The following GALNTL6 variants were observed in gnomAD, a reference collection of about 807,000 sequenced individuals.
GALNTL6 encodes polypeptide N-acetylgalactosaminyltransferase like 6, also known as polypeptide N-acetylgalactosaminyltransferase-like 6.
A neutral mutation model predicts 73.7 loss-of-function variants in GALNTL6; 46 were observed. The ratio of observed to expected loss-of-function variants is 0.62; its 90% CI spans 0.49 to 0.80. GALNTL6 has a LOEUF of 0.80. GALNTL6 is among the 30% of genes least tolerant of loss of function. GALNTL6 has a pLI of 0.00. For missense variants in GALNTL6, 604 were observed against 755.0 expected, an observed-to-expected ratio of 0.80 and a Z score of 2.34; for synonymous variants, 259 against 263.7, an observed-to-expected ratio of 0.98 and a Z score of 0.17.
At chr4:172,273,676 T>G (rs1276374298) in intron 3 of GALNTL6, among the ~76,000 whole-genome samples, 2 of 152,008 alleles carry the variant, frequency 1.3e-5, no homozygotes, top group Non-Finnish European at 2.9e-5. Context: ...AGTAAATCAA[T>G]TATAAGGAAA....
intron 5 of GALNTL6, among the ~76,000 whole-genome samples, chr4:172,733,821 A>G (rs1736296367): frequency 6.6e-6 from 1 of 152,198 alleles, no homozygotes; most frequent in African/African-American, 2.4e-5. Flanking sequence ...TATTCACAGT[A>G]TAAAAATGGA....
chr4:171,815,044 T>C, intron 2 of GALNTL6: 1 of 434,386 alleles, frequency 2.3e-6, no homozygotes, highest in Admixed American at 4.0e-5. Flanking sequence ...GGGAGTGGGT[T>C]TGGTGCAAGT....
chr4:171,967,447 G>GTTTTTTGTTTTTTTTT (rs1553976625), intron 2 of GALNTL6, among the ~76,000 whole-genome samples: 4 of 14,320 alleles, frequency 2.8e-4, no homozygotes, highest in East Asian at 2.3e-3. Flanking sequence ...CCCCCTATGG[G>GTTTTTTGTTTTTTTTT]TTTTTTTTTT....
chr4:172,746,541 T>G (rs1157703937), intron 5 of GALNTL6, among the ~76,000 whole-genome samples: 1 of 152,116 alleles, frequency 6.6e-6, no homozygotes, highest in Admixed American at 6.6e-5. Flanking sequence ...AATTTCTCTA[T>G]ATTAGCTTTT....
chr4:172,156,542 TA>T (rs1734277381), intron 2 of GALNTL6, among the ~76,000 whole-genome samples: 1 of 16,046 alleles, frequency 6.2e-5, no homozygotes, highest in South Asian at 3.5e-3. Context: ...ATATATATAA[TA>T]TATATATATA....
intron 2 of GALNTL6, among the ~76,000 whole-genome samples, chr4:172,225,475 T>C (rs112796155): frequency 6.7e-4 from 101 of 151,636 alleles, no homozygotes; most frequent in African/African-American, 2.3e-3. Flanking sequence ...GGATTAGAGG[T>C]TCCCAACCCA....
At chr4:172,191,795 G>A (rs910570102) in intron 2 of GALNTL6, among the ~76,000 whole-genome samples, 17 of 152,178 alleles carry the variant, frequency 1.1e-4, no homozygotes, top group East Asian at 9.7e-4. Context: ...TTGAAATTGC[G>A]ATTTGCCTCA....
intron 5 of GALNTL6, among the ~76,000 whole-genome samples, chr4:172,391,894 T>C (rs1428073626): frequency 1.3e-5 from 2 of 152,188 alleles, no homozygotes; most frequent in Non-Finnish European, 2.9e-5. Context: ...TAAGTTCCTT[T>C]TCCAGCTGAT....
intron 9 of GALNTL6, among the ~76,000 whole-genome samples, chr4:172,941,649 G>C (rs1292266274): frequency 1.3e-5 from 2 of 152,146 alleles, no homozygotes; most frequent in Non-Finnish European, 2.9e-5. Flanking sequence ...AATTCCACTA[G>C]AGCCTCATAA....
intron 10 of GALNTL6, among the ~76,000 whole-genome samples, chr4:172,960,553 G>C (rs943258298): frequency 7.9e-5 from 12 of 152,078 alleles, no homozygotes; most frequent in Admixed American, 7.2e-4. Flanking sequence ...GGGATTGAGG[G>C]GACAGGCAGG....
chr4:172,696,983 T>A (rs1201501863), intron 5 of GALNTL6, among the ~76,000 whole-genome samples: 1 of 152,224 alleles, frequency 6.6e-6, no homozygotes, highest in Non-Finnish European at 1.5e-5. Flanking sequence ...AATTGTTTCC[T>A]CTGGACTACA....
intron 9 of GALNTL6, among the ~76,000 whole-genome samples, chr4:172,932,060 C>T (rs1161148105): frequency 1.3e-5 from 2 of 152,158 alleles, no homozygotes; most frequent in African/African-American, 4.8e-5. Flanking sequence ...CACTGCTACC[C>T]TAGAAATCAA....
intron 2 of GALNTL6, among the ~76,000 whole-genome samples, chr4:171,848,270 A>C (rs1735427277): frequency 6.6e-6 from 1 of 152,186 alleles, no homozygotes; most frequent in African/African-American, 2.4e-5. Context: ...TTAAATATTC[A>C]GTAAATTATG....
chr4:171,928,654 A>G (rs902446232), intron 2 of GALNTL6, among the ~76,000 whole-genome samples: 3 of 152,244 alleles, frequency 2.0e-5, no homozygotes, highest in African/African-American at 7.2e-5. Flanking sequence ...CACATATGCA[A>G]CAGTGGTCCC....
At chr4:172,547,613 C>T (rs1175019753) in intron 5 of GALNTL6, among the ~76,000 whole-genome samples, 1 of 151,880 alleles carries the variant, frequency 6.6e-6, no homozygotes, top group Admixed American at 6.6e-5. Context: ...CATTTTTTTT[C>T]CTCCTGAAGA....
chr4:171,919,412 G>A (rs1053075079), intron 2 of GALNTL6, among the ~76,000 whole-genome samples: 1 of 152,022 alleles, frequency 6.6e-6, no homozygotes, highest in African/African-American at 2.4e-5. Context: ...CTTTCATTAT[G>A]TATGGGTCAG....
chr4:172,351,615 A>G (rs1419247951), intron 5 of GALNTL6, among the ~76,000 whole-genome samples: 1 of 152,146 alleles, frequency 6.6e-6, no homozygotes, highest in Admixed American at 6.6e-5. Flanking sequence ...GTTAAAAGCT[A>G]TAATTAACTT....
rs149370935 is a variant in GALNTL6, at chr4:172,393,583, A to G, written c.553+44894A>G. On this transcript the variant is annotated intron_variant, in intron 5 of 12. Transcript: ENST00000506823. ...AAAATCTCATCTTTTGCTTAATTGA[A>G]CATTTCTAATATGTAAAATCTTTAC... is the stretch of plus-strand genomic sequence containing the variant. Among the ~76,000 whole-genome samples, 619 of 152,340 alleles carry G rather than the reference A, an allele frequency of 4.1e-3. 5 individuals are homozygous for G. The highest frequency in any genetic ancestry group is 0.014 in the African/African-American group (572 of 41,562).
chr4:172,582,093 AT>A (rs759651726), intron 5 of GALNTL6, among the ~76,000 whole-genome samples: 14 of 152,150 alleles, frequency 9.2e-5, no homozygotes, highest in Non-Finnish European at 1.9e-4. Context: ...TGAGCTCTTG[AT>A]TTAGAAAATT....
Sources: allele counts gnomAD v4.1 joint callset (sites outside exome capture counted in the v4.1 genomes callset), GRCh38; gene constraint gnomAD v4.1.1; transcripts MANE v1.5; gene names NCBI Gene and HGNC (gene_info 2026-07-23, HGNC 2026-07-21).